Variants in PATJ observed in about 807,000 individuals in gnomAD.
PATJ encodes the protein inaD-like protein.
Under a neutral mutation model 224.9 loss-of-function variants are expected in PATJ, and 190 were observed. The observed-to-expected ratio is 0.84, with a 90% CI of 0.75 to 0.95. The LOEUF (loss-of-function observed/expected upper bound fraction) is 0.95. Ranked by LOEUF, PATJ falls within the 40% of genes least tolerant of loss-of-function variation. The pLI is 0.00. For missense variants in PATJ, 2,121 were observed against 2,270.3 expected (o/e 0.93, Z 1.34); for synonymous variants, 769 against 820.3 (o/e 0.94, Z 1.07).
chr1:62,057,780 A>C (rs933783815), intron 31 of PATJ, among the ~76,000 whole-genome samples: 12 of 152,234 alleles, frequency 7.9e-5, no homozygotes, highest in African/African-American at 2.9e-4. Context: ...AGAGCTATTT[A>C]AATGGCAAAT....
intron 27 of PATJ, among the ~76,000 whole-genome samples, chr1:61,962,046 T>G (rs907966263): frequency 6.6e-6 from 1 of 151,892 alleles, no homozygotes; most frequent in African/African-American, 2.4e-5. Flanking sequence ...GTGTTGACAC[T>G]CAAACAATAC....
chr1:61,830,735 C>T (rs1318626594), intron 16 of PATJ, among the ~76,000 whole-genome samples: 1 of 152,110 alleles, frequency 6.6e-6, no homozygotes, highest in Non-Finnish European at 1.5e-5. Flanking sequence ...TGCACATCTA[C>T]AAGCATCTGT....
chr1:62,148,574 G>A (rs977928231), intron 42 of PATJ, among the ~76,000 whole-genome samples, 184 bp downstream of exon 42: 11 of 152,136 alleles, frequency 7.2e-5, no homozygotes, highest in African/African-American at 2.7e-4. Flanking sequence ...AAAGACCATT[G>A]TTGCAGGGCC....
At chr1:61,947,487 C>T (rs56362931) in intron 27 of PATJ, among the ~76,000 whole-genome samples, 85 of 152,194 alleles carry the variant, frequency 5.6e-4, no homozygotes, top group African/African-American at 1.9e-3. Flanking sequence ...GAATAAAATA[C>T]CTAGGAATCC....
In PATJ at chr1:61,953,533, C is replaced by G. The variant is rs189185876; in HGVS notation, c.3670+25704C>G. ...CTGTTATTTTGATTTGGAGGAAATG[C>G]TATAGCTCCTAAATGGATGCGTCAC... On this transcript the variant is annotated intron_variant, in intron 27 of 43. Coordinates refer to ENST00000642238, the MANE Select transcript of PATJ (RefSeq NM_001350145.3). 5.8e-4 allele frequency among the ~76,000 whole-genome samples: 88 copies of G among 152,322 alleles called. 1 individual carries two copies. The highest frequency in any genetic ancestry group is 6.8e-3 in the Middle Eastern group (2 of 294).
intron 22 of PATJ, among the ~76,000 whole-genome samples, chr1:61,896,487 G>C (rs577142514): frequency 6.6e-6 from 1 of 152,226 alleles, no homozygotes; most frequent in South Asian, 2.1e-4. Flanking sequence ...TAGGTGGAAA[G>C]GACTTGCCTT....
intron 28 of PATJ, among the ~76,000 whole-genome samples, chr1:61,997,824 TAAAAAA>T (rs1553235992): frequency 2.7e-4 from 23 of 85,522 alleles, no homozygotes; most frequent in Middle Eastern, 5.3e-3. Flanking sequence ...TGTTTTGTTT[TAAAAAA>T]AAAAAAGACA....
intron 27 of PATJ, among the ~76,000 whole-genome samples, chr1:61,979,248 G>A (rs1211558773): frequency 1.3e-5 from 2 of 152,002 alleles, no homozygotes; most frequent in African/African-American, 2.4e-5. Flanking sequence ...GGGCATCTAG[G>A]TTATTTGAAA....
chr1:62,083,621 C>T (rs1338739598), intron 32 of PATJ, among the ~76,000 whole-genome samples: 1 of 152,070 alleles, frequency 6.6e-6, no homozygotes, highest in African/African-American at 2.4e-5. Context: ...TTTAAATAAA[C>T]TTTTCCTCTA....
chr1:61,807,886 A>G (rs1335251119), intron 13 of PATJ, among the ~76,000 whole-genome samples: 4 of 152,252 alleles, frequency 2.6e-5, no homozygotes, highest in Admixed American at 2.0e-4. Context: ...GTGGATGTCC[A>G]CCATTGAAGC....
intron 30 of PATJ, among the ~76,000 whole-genome samples, chr1:62,048,501 G>A (rs550950549): frequency 3.6e-5 from 5 of 137,736 alleles, no homozygotes; most frequent in Admixed American, 8.2e-5. Context: ...AGCCGAGATC[G>A]TGCCACTGCA....
At chr1:61,864,744 A>T in intron 20 of PATJ, 111 bp downstream of exon 20, 1 of 912,496 alleles carries the variant, frequency 1.1e-6, no homozygotes, top group Non-Finnish European at 1.6e-6. Flanking sequence ...GCCTTTCCGT[A>T]AGTCGTCACT....
chr1:61,877,623 A>G (rs900027826), intron 21 of PATJ, among the ~76,000 whole-genome samples: 1 of 152,040 alleles, frequency 6.6e-6, no homozygotes, highest in Non-Finnish European at 1.5e-5. Context: ...CTACTGCCAT[A>G]TGAAGACATG....
chr1:62,021,358 T>C (rs1208827048), intron 29 of PATJ, among the ~76,000 whole-genome samples: 2 of 152,174 alleles, frequency 1.3e-5, no homozygotes, highest in Middle Eastern at 3.2e-3. Flanking sequence ...AATACCTTCA[T>C]GTTGGTGATT....
At chr1:61,975,376 T>C (rs937064063) in intron 27 of PATJ, among the ~76,000 whole-genome samples, 4 of 152,090 alleles carry the variant, frequency 2.6e-5, no homozygotes, top group African/African-American at 9.7e-5. Context: ...TAGTACCTAA[T>C]TCAATCTTTA....
At chr1:62,056,232 A>G (rs919568250) in intron 31 of PATJ, among the ~76,000 whole-genome samples, 3 of 152,184 alleles carry the variant, frequency 2.0e-5, no homozygotes, top group Non-Finnish European at 4.4e-5. Context: ...ATCCACTCAG[A>G]TGGATACCTA....
chr1:62,007,219 G>A (rs961674372), intron 28 of PATJ, among the ~76,000 whole-genome samples: 3 of 151,940 alleles, frequency 2.0e-5, no homozygotes, highest in African/African-American at 7.3e-5. Context: ...TCAGAACCTG[G>A]GAAAAAAATG....
Position 61,890,671 on chromosome 1 carries a change from A to G in PATJ, c.3131+6263A>G, listed in dbSNP as rs563419717. On this transcript the variant is annotated intron_variant, in intron 22 of 43. Transcript: ENST00000642238. ...GCCACCATGACTGGCTAATTTTTTT[A>G]TTTTCTGTAGAGATAAGATCTCACT... Among the ~76,000 whole-genome samples the G allele has an allele frequency of 6.6e-5, 10 of 151,070 alleles. No individual in the cohort carries two copies. In the South Asian group the frequency reaches 2.1e-3, roughly 32 times the overall value.
Position 61,822,952 on chromosome 1 carries a change from C to CT in PATJ, c.1692dup (p.Ile565TyrfsTer14). 6.2e-7 allele frequency: 1 copy of CT among 1,614,042 alleles called. No homozygotes were observed. The highest frequency in any genetic ancestry group is 8.5e-7 in the Non-Finnish European group (1 of 1,179,966). Reference sequence around the variant, plus strand: ...CTTTGTGTTTTGCTACAGCTGCTGCCTATTCACACTCTGAGGCTTGGTGTG... The same window carrying CT: ...CTTTGTGTTTTGCTACAGCTGCTGCCTTATTCACACTCTGAGGCTTGGTGTG... On this transcript the variant is annotated frameshift_variant, in exon 15 of 44. Transcript: ENST00000642238. LOFTEE classifies it high-confidence loss of function.
Sources: gnomAD v4.1 joint callset for allele counts (sites outside exome capture counted in the v4.1 genomes callset) on GRCh38, gnomAD v4.1.1 for gene constraint, MANE v1.5 for transcripts, NCBI Gene and HGNC (gene_info 2026-07-23, HGNC 2026-07-21) for gene names.